EEA1: variants seen among roughly 807,000 people sequenced by gnomAD.
EEA1 encodes early endosome antigen 1.
EEA1 carries 111 observed loss-of-function variants against 209.2 expected under a neutral mutation model. The observed-to-expected ratio is 0.53, with a 90% CI of 0.45 to 0.62. The LOEUF is 0.62. Among genes scored for constraint, EEA1 ranks in the 20% least tolerant of loss-of-function variants. EEA1 has a pLI of 0.00. For synonymous variants in EEA1, 536 were observed against 540.6 expected, an observed-to-expected ratio of 0.99 and a Z score of 0.12; for missense variants, 1,343 against 1,530.8, an observed-to-expected ratio of 0.88 and a Z score of 2.05.
chr12:92,794,285 G>A (rs1874548994), intron 21 of EEA1, among the ~76,000 whole-genome samples: 1 of 152,188 alleles, frequency 6.6e-6, no homozygotes, highest in African/African-American at 2.4e-5. Context: ...GTTGGTGGGA[G>A]TGTAAATTAG....
At chr12:92,884,771 G>C in intron 2 of EEA1, 1 of 1,035,564 alleles carries the variant, frequency 9.7e-7, no homozygotes, top group Non-Finnish European at 1.5e-6. Context: ...GGTTACAACA[G>C]ATTGTGAACT....
chr12:92,798,688 T>C (rs1013048266), intron 21 of EEA1, among the ~76,000 whole-genome samples: 9 of 152,168 alleles, frequency 5.9e-5, no homozygotes, highest in Admixed American at 2.6e-4. Flanking sequence ...ATAACAATTA[T>C]CTGACAAGAG....
At chr12:92,817,676 A>G (rs911057571) in intron 14 of EEA1, among the ~76,000 whole-genome samples, 1 of 152,122 alleles carries the variant, frequency 6.6e-6, no homozygotes, top group Admixed American at 6.5e-5. Flanking sequence ...CATGGCTCAC[A>G]TTGTTTCTGT....
chr12:92,819,743 G>A (rs938624919), intron 13 of EEA1, among the ~76,000 whole-genome samples: 4 of 151,400 alleles, frequency 2.6e-5, no homozygotes, highest in African/African-American at 9.7e-5. Context: ...ACTTAACCAC[G>A]TTTTTTTTCT....
chr12:92,929,128 T>A lies in EEA1; in HGVS notation c.-62A>T. ...CCAGACCCTGCGCGGGGCCACTCAC[T>A]ACTCGGGGTGCGCGGGCGGGAGGGA... On this transcript the variant is annotated 5_prime_UTR_variant, in exon 1 of 29. Coordinates refer to ENST00000322349, the MANE Select transcript of EEA1 (RefSeq NM_003566.4). The A allele has an allele frequency of 1.4e-6, 2 of 1,460,118 alleles. No individual in the cohort carries two copies. Among genetic ancestry groups the A allele is most frequent in the Non-Finnish European group, 1.9e-6 (2 of 1,070,180 alleles). The allele number at this position is 1,460,118 out of a possible 1,614,324, so 90.4% of individuals were successfully genotyped here.
intron 16 of EEA1, among the ~76,000 whole-genome samples, chr12:92,812,601 C>T (rs757510876): frequency 3.3e-5 from 5 of 152,088 alleles, no homozygotes; most frequent in Non-Finnish European, 5.9e-5. Context: ...GGGTCATGGT[C>T]CAGTCTACCT....
chr12:92,776,917 C>G lies in EEA1; in HGVS notation c.4040G>C (p.Arg1347Thr). The change falls in exon 28 of 29, where the codon AGA becomes ACA. Residue 1347 changes from arginine to threonine, a missense_variant. This residue lies in a region of EEA1 where 1,307 missense variants were observed against 1,465.5 expected (regional missense o/e 0.89). Transcript: ENST00000322349. Reference protein sequence around the residue: ...LQIKHTQALNRKWAEDNEVQN... With the variant: ...LQIKHTQALNTKWAEDNEVQN... ...TACTTCATTGTCTTCGGCCCACTTT[C>G]TATTCAACGCTTGTGTATGTTTGAT... 1.2e-6 allele frequency: 2 copies of G among 1,611,792 alleles called. No individual in the cohort carries two copies. The highest frequency in any genetic ancestry group is 1.7e-6 in the Non-Finnish European group (2 of 1,178,362).
At chr12:92,891,569 C>G (rs545007961) in intron 2 of EEA1, 60 bp downstream of exon 2, 1 of 1,292,990 alleles carries the variant, frequency 7.7e-7, no homozygotes. Flanking sequence ...ATCGTTACAC[C>G]AAATATTTGC....
At chr12:92,824,683 G>A (rs909675585) in intron 13 of EEA1, among the ~76,000 whole-genome samples, 2 of 152,102 alleles carry the variant, frequency 1.3e-5, no homozygotes, top group African/African-American at 4.8e-5. Flanking sequence ...GCCTAACACT[G>A]CAGTCCCAAC....
chr12:92,904,858 C>G (rs146819877), intron 1 of EEA1, among the ~76,000 whole-genome samples: 1 of 152,182 alleles, frequency 6.6e-6, no homozygotes, highest in Non-Finnish European at 1.5e-5. Context: ...TGAATGCATT[C>G]GACAACCAGG....
intron 21 of EEA1, among the ~76,000 whole-genome samples, chr12:92,790,407 T>C (rs1375056452): frequency 3.9e-5 from 6 of 152,144 alleles, no homozygotes; most frequent in Admixed American, 1.3e-4. Flanking sequence ...TTCAACCTTT[T>C]TGAATGATGA....
At chr12:92,927,554 T>C (rs1338687565) in intron 1 of EEA1, among the ~76,000 whole-genome samples, 1 of 152,208 alleles carries the variant, frequency 6.6e-6, no homozygotes, top group Admixed American at 6.5e-5. Flanking sequence ...TAACTACAGC[T>C]GAGCTACCCT....
chr12:92,881,591 A>G (rs1879146174), intron 2 of EEA1, among the ~76,000 whole-genome samples: 1 of 152,226 alleles, frequency 6.6e-6, no homozygotes, highest in Admixed American at 6.5e-5. Flanking sequence ...AGTCGACTGG[A>G]CTAAATGCGT....
chr12:92,887,629 T>C (rs927870716), intron 2 of EEA1, among the ~76,000 whole-genome samples: 1 of 151,926 alleles, frequency 6.6e-6, no homozygotes, highest in Admixed American at 6.6e-5. Flanking sequence ...GCCCAGGCAA[T>C]AGAGCAAGAC....
At chr12:92,815,069 G>T (rs1320195966) in intron 15 of EEA1, among the ~76,000 whole-genome samples, 1 of 152,094 alleles carries the variant, frequency 6.6e-6, no homozygotes, top group Non-Finnish European at 1.5e-5. Flanking sequence ...CCTACTTTAT[G>T]AACTAACACT....
intron 18 of EEA1, among the ~76,000 whole-genome samples, chr12:92,808,184 T>C (rs966168596): frequency 2.6e-5 from 4 of 152,156 alleles, no homozygotes; most frequent in Non-Finnish European, 5.9e-5. Flanking sequence ...GGATACCATA[T>C]AGACACATAG....
chr12:92,844,294 T>A (rs758859362), intron 9 of EEA1, among the ~76,000 whole-genome samples: 1 of 152,150 alleles, frequency 6.6e-6, no homozygotes, highest in Non-Finnish European at 1.5e-5. Flanking sequence ...AAAATGCTTT[T>A]AGGAATGGAA....
chr12:92,866,345 C>G (rs957412361), intron 2 of EEA1, among the ~76,000 whole-genome samples: 2 of 151,918 alleles, frequency 1.3e-5, no homozygotes, highest in Non-Finnish European at 2.9e-5. Context: ...TTGCTTCCAT[C>G]AAGTACACCA....
At chr12:92,827,560 C>T (rs1453634577) in intron 12 of EEA1, among the ~76,000 whole-genome samples, 1 of 152,082 alleles carries the variant, frequency 6.6e-6, no homozygotes, top group East Asian at 1.9e-4. Context: ...TTTATATATA[C>T]CAACTACATG....
Sources: gnomAD v4.1 joint callset for allele counts (sites outside exome capture counted in the v4.1 genomes callset) on GRCh38, gnomAD v4.1.1 for gene constraint, gnomAD v4.1.1 regional missense constraint, MANE v1.5 for transcripts, NCBI Gene and HGNC (gene_info 2026-07-23, HGNC 2026-07-21) for gene names.